CELF2: variants seen among roughly 807,000 people sequenced by gnomAD.
The protein encoded by CELF2 is CUGBP Elav-like family member 2.
A neutral mutation model predicts 62.6 loss-of-function variants in CELF2; 8 were observed. The ratio of observed to expected loss-of-function variants is 0.13; its 90% confidence interval spans 0.07 to 0.23. The LOEUF (loss-of-function observed/expected upper bound fraction) is 0.23. Ranked by LOEUF, CELF2 falls within the 10% of genes least tolerant of loss-of-function variation. The pLI is 1.00. For synonymous variants in CELF2, 258 were observed against 250.0 expected, an observed-to-expected ratio of 1.03 and a Z score of -0.30; for missense variants, 333 against 671.0, an observed-to-expected ratio of 0.50 and a Z score of 5.56.
the CELF2 span, among the ~76,000 whole-genome samples, chr10:10,623,049 G>A: frequency 8.1e-6 from 1 of 123,588 alleles, no homozygotes; most frequent in Admixed American, 1.1e-4. Context: ...TTGCGCCACA[G>A]CACTCCAACC....
At chr10:11,107,105 C>T (rs965226613) in intron 1 of CELF2, among the ~76,000 whole-genome samples, 4 of 152,168 alleles carry the variant, frequency 2.6e-5, no homozygotes, top group Admixed American at 6.5e-5. Context: ...GCGTGGATAC[C>T]GGTTTCCTCA....
chr10:11,033,617 A>G (rs1256537020), intron 1 of CELF2, among the ~76,000 whole-genome samples: 3 of 152,178 alleles, frequency 2.0e-5, no homozygotes, highest in African/African-American at 7.2e-5. Context: ...TGGGCTTTTG[A>G]TAGCATGGAT....
At chr10:11,045,948 A>G (rs1273928534) in intron 1 of CELF2, among the ~76,000 whole-genome samples, 1 of 152,178 alleles carries the variant, frequency 6.6e-6, no homozygotes, top group African/African-American at 2.4e-5. Context: ...GAGTTCACAA[A>G]TGTTCTCTGC....
At chr10:10,662,616 A>G in the CELF2 span, among the ~76,000 whole-genome samples, 1 of 152,294 alleles carries the variant, frequency 6.6e-6, no homozygotes, top group Admixed American at 6.5e-5. Flanking sequence ...TTTTGTAGTA[A>G]AAGTGACCCC....
chr10:10,496,590 T>C, the CELF2 span, among the ~76,000 whole-genome samples: 2 of 152,090 alleles, frequency 1.3e-5, no homozygotes, highest in African/African-American at 4.8e-5. Context: ...AAATAAGTAA[T>C]GCACAGTTCT....
chr10:10,557,199 T>C, the CELF2 span, among the ~76,000 whole-genome samples: 10 of 135,386 alleles, frequency 7.4e-5, no homozygotes, highest in Admixed American at 2.2e-4. Context: ...CCATCTTGAA[T>C]TGATTTTTGT....
chr10:10,475,675 G>A, the CELF2 span, among the ~76,000 whole-genome samples: 1 of 151,890 alleles, frequency 6.6e-6, no homozygotes, highest in Admixed American at 6.6e-5. Context: ...CTCAATATAC[G>A]TTGTCCTCAT....
In CELF2 at chr10:11,333,418, G is replaced by GTGAT. The variant is rs768083259; in HGVS notation, c.*4366_*4369dup. On this transcript the variant is annotated 3_prime_UTR_variant, in exon 13 of 13. Transcript: ENST00000633077. Reference sequence around the variant, plus strand: ...CATTTTTAATCTAAATTAGAGAATTGTGATACAATGGCAGTCCTCAAAGGC... The same window carrying GTGAT: ...CATTTTTAATCTAAATTAGAGAATTGTGATTGATACAATGGCAGTCCTCAAAGGC... The GTGAT allele has an allele frequency of 6.6e-6, 1 of 152,508 alleles. No individual in the cohort carries two copies. Among genetic ancestry groups the GTGAT allele is most frequent in the Non-Finnish European group, 1.5e-5 (1 of 68,018 alleles). The allele number at this position is 152,508 out of a possible 1,614,324, so 9.4% of individuals were successfully genotyped here.
chr10:10,680,119 G>T, the CELF2 span, among the ~76,000 whole-genome samples: 2 of 151,836 alleles, frequency 1.3e-5, no homozygotes, highest in African/African-American at 4.8e-5. Flanking sequence ...CACAAAACTC[G>T]GGTAGCATGA....
At chr10:10,662,939 G>C in the CELF2 span, among the ~76,000 whole-genome samples, 1 of 152,174 alleles carries the variant, frequency 6.6e-6, no homozygotes, top group Non-Finnish European at 1.5e-5. Context: ...CCCCATTCCA[G>C]CTTCTTGGTC....
At chr10:11,248,901 A>G (rs572905208) in intron 3 of CELF2, among the ~76,000 whole-genome samples, 1 of 152,386 alleles carries the variant, frequency 6.6e-6, no homozygotes, top group Admixed American at 6.5e-5. Flanking sequence ...ACCAGGTTTC[A>G]CACTGAAGTC....
At chr10:10,685,042 C>T in the CELF2 span, among the ~76,000 whole-genome samples, 4 of 152,054 alleles carry the variant, frequency 2.6e-5, no homozygotes, top group African/African-American at 9.7e-5. Flanking sequence ...ATGTCAGTTT[C>T]TTAGGCATAA....
upstream of CELF2, among the ~76,000 whole-genome samples, chr10:11,003,214 A>G (rs571675187): frequency 2.0e-4 from 31 of 152,320 alleles, no homozygotes; most frequent in African/African-American, 6.7e-4. The surrounding 1 kb of genome is among the most constrained non-coding windows in gnomAD (Gnocchi z 4.4). Context: ...AAGTGGAGAG[A>G]GTATAAAATA....
the CELF2 span, among the ~76,000 whole-genome samples, chr10:10,786,943 C>T: frequency 6.7e-6 from 1 of 149,442 alleles, no homozygotes; most frequent in African/African-American, 2.5e-5. Flanking sequence ...GGAAAAGCTA[C>T]AGGGCAGCTG....
chr10:10,701,945 T>C, the CELF2 span, among the ~76,000 whole-genome samples: 1 of 152,232 alleles, frequency 6.6e-6, no homozygotes, highest in Non-Finnish European at 1.5e-5. Flanking sequence ...CTGCGAAAAG[T>C]GCTTAAATCT....
In CELF2 at chr10:10,937,506, A is replaced by G. The variant is rs542089342; in HGVS notation, c.89+17507A>G. 228 of 152,234 alleles carry G rather than the reference A, an allele frequency of 1.5e-3. 1 individual carries two copies. Among genetic ancestry groups the G allele is most frequent in the African/African-American group, 5.2e-3 (218 of 41,552 alleles). The allele number at this position is 152,234 out of a possible 1,614,324, so 9.4% of individuals were successfully genotyped here. A position where few individuals can be genotyped will look rare whatever the true frequency, so the allele number is the denominator to read the frequency against. On this transcript the variant is annotated intron_variant, in intron 2 of 13. Coordinates refer to the CELF2 transcript ENST00000636488. ...GCTACAAAGCATTTTGGAAACTGGT[A>G]CTGCAGGAGTAATTTCTCTTCAAAC...
At chr10:11,258,444 C>T (rs1001136832) in intron 5 of CELF2, among the ~76,000 whole-genome samples, 2 of 152,130 alleles carry the variant, frequency 1.3e-5, no homozygotes, top group Non-Finnish European at 2.9e-5. Flanking sequence ...GACAGAAAAG[C>T]GACTTTACCC....
chr10:10,471,449 C>T, the CELF2 span, among the ~76,000 whole-genome samples: 1 of 151,678 alleles, frequency 6.6e-6, no homozygotes, highest in Non-Finnish European at 1.5e-5. Context: ...ATAATTGTTA[C>T]ATTATACTGC....
chr10:10,658,536 G>C, the CELF2 span, among the ~76,000 whole-genome samples: 1 of 152,066 alleles, frequency 6.6e-6, no homozygotes, highest in Non-Finnish European at 1.5e-5. Context: ...ACAACCTCCT[G>C]CATCCCTCTT....
Sources: gnomAD v4.1 joint callset for allele counts (sites outside exome capture counted in the v4.1 genomes callset) on GRCh38, gnomAD v4.1.1 for gene constraint, Gnocchi (gnomAD v3.1) non-coding constraint, MANE v1.5 for transcripts, NCBI Gene and HGNC (gene_info 2026-07-23, HGNC 2026-07-21) for gene names.